ASXL1: variants seen among roughly 807,000 people sequenced by gnomAD.
ASXL1 encodes polycomb group protein ASXL1.
In ASXL1, 65 loss-of-function variants were observed where a neutral mutation model predicts 89.1. The observed-to-expected ratio is 0.73, with a 90% confidence interval of 0.60 to 0.90. The LOEUF (loss-of-function observed/expected upper bound fraction) is 0.90, where lower values mean the gene tolerates loss of function less well. ASXL1 is among the 40% of genes least tolerant of loss of function. The pLI is 0.00. For missense variants in ASXL1, 1,786 were observed against 1,942.9 expected, an observed-to-expected ratio of 0.92 and a Z score of 1.52; for synonymous variants, 739 against 746.9, an observed-to-expected ratio of 0.99 and a Z score of 0.17.
At chr20:32,421,701 A>G (rs2049253010) in intron 4 of ASXL1, among the ~76,000 whole-genome samples, 2 of 152,188 alleles carry the variant, frequency 1.3e-5, no homozygotes, top group Non-Finnish European at 2.9e-5. Flanking sequence ...GCATGCAACA[A>G]TGTAGATGAA....
At chr20:32,398,728 G>T (rs113977275) in intron 4 of ASXL1, among the ~76,000 whole-genome samples, 1 of 149,244 alleles carries the variant, frequency 6.7e-6, no homozygotes, top group Non-Finnish European at 1.5e-5. Context: ...TCCTGCCTCA[G>T]CCTCCCAAGT....
chr20:32,359,711 C>CCTCT, intron 1 of ASXL1: 5 of 718,004 alleles, frequency 7.0e-6, no homozygotes, highest in Non-Finnish European at 1.3e-5. Flanking sequence ...CAAGGGAGAG[C>CCTCT]GTAACTTGAG....
intron 4 of ASXL1, among the ~76,000 whole-genome samples, chr20:32,415,982 A>G (rs1167985438): frequency 6.6e-6 from 1 of 152,354 alleles, no homozygotes; most frequent in East Asian, 1.9e-4. Flanking sequence ...GAGAGCAGCT[A>G]TGCCATGTTG....
intron 4 of ASXL1, among the ~76,000 whole-genome samples, chr20:32,384,321 C>T (rs2048541557): frequency 6.7e-6 from 1 of 150,340 alleles, no homozygotes. Context: ...ATTCTCCTGC[C>T]TTGGCCTCCC....
In ASXL1 at chr20:32,437,098, C is replaced by A. The variant is rs775545465; in HGVS notation, c.4386C>A (p.Thr1462=). 2.5e-6 allele frequency: 4 copies of A among 1,614,202 alleles called. No homozygotes were observed. Among genetic ancestry groups the A allele is most frequent in the Middle Eastern group, 3.3e-4 (2 of 6,062 alleles). The change falls in exon 13 of 13, where the codon ACC becomes ACA. Residue 1462 remains threonine, a synonymous_variant. Coordinates refer to ENST00000375687, the MANE Select transcript of ASXL1 (RefSeq NM_015338.6). The stretch of plus-strand genomic sequence containing the variant: ...TTAATTATTCCTCTAGCTCTCCCAC[C>A]TTTCCCAAAGGCCTTGCTGGAAGTG... ...TSFNYSSSSP[T]FPKGLAGSVV...
intron 4 of ASXL1, among the ~76,000 whole-genome samples, chr20:32,405,390 C>T (rs1245026981): frequency 6.6e-6 from 1 of 152,142 alleles, no homozygotes; most frequent in African/African-American, 2.4e-5. Flanking sequence ...ACCCTTAATA[C>T]TTTAGTATTA....
At position 32,434,485 on chromosome 20, in the gene ASXL1, C is replaced by A. The variant is rs371369583; in HGVS notation, c.1773C>A (p.Tyr591Ter). The change falls in exon 13 of 13, where the codon TAC becomes TAA. Residue 591 changes from tyrosine to a stop codon, truncating the protein, a stop_gained. Coordinates refer to ENST00000375687, the MANE Select transcript of ASXL1 (RefSeq NM_015338.6). LOFTEE classifies it low-confidence loss of function (END_TRUNC). ...GGGTGGTTAAAGGTCAGCCCACTTA[C>A]CAGATATGCCCCCGGATCATCCCCA... The part of the protein sequence containing the change: ...PPWVVKGQPT[Y>*]QICPRIIPTT... The A allele has an allele frequency of 1.4e-5, 22 of 1,613,942 alleles. No individual in the cohort carries two copies. The highest frequency in any genetic ancestry group is 1.7e-5 in the Admixed American group (1 of 60,008).
intron 4 of ASXL1, among the ~76,000 whole-genome samples, chr20:32,387,711 A>G (rs1354776043): frequency 6.6e-6 from 1 of 152,172 alleles, no homozygotes; most frequent in Non-Finnish European, 1.5e-5. Context: ...TTGCTTTGCT[A>G]ACTATTCTCT....
At chr20:32,378,534 C>T (rs2048428174) in intron 4 of ASXL1, among the ~76,000 whole-genome samples, 1 of 152,114 alleles carries the variant, frequency 6.6e-6, no homozygotes, top group Admixed American at 6.6e-5. Context: ...AAAATTATCT[C>T]TACTTTGAGT....
In ASXL1 at chr20:32,435,574, C is replaced by A. The variant is rs752471895; in HGVS notation, c.2862C>A (p.Asp954Glu). 1.9e-6 allele frequency: 3 copies of A among 1,613,954 alleles called. No individual in the cohort carries two copies. Among genetic ancestry groups the A allele is most frequent in the Non-Finnish European group, 1.7e-6 (2 of 1,180,036 alleles). ...CTGAGGAGGGTCTAGATCCTCTTGACAGCCTTACTTCACTCTGGACTGTGC... is the reference window on the plus strand; with the variant it reads ...CTGAGGAGGGTCTAGATCCTCTTGAAAGCCTTACTTCACTCTGGACTGTGC... Reference protein sequence around the residue: ...LTAEEGLDPLDSLTSLWTVPS... With the variant: ...LTAEEGLDPLESLTSLWTVPS... The change falls in exon 13 of 13, where the codon GAC becomes GAA. Residue 954 changes from aspartate (D) to glutamate (E), a missense_variant. By Grantham distance (45) the Asp-to-Glu change is conservative. Around this residue, in one of 3 missense-constraint regions of ASXL1, gnomAD observed 1,418 missense variants for 1,427.8 expected, o/e 0.99. Transcript: ENST00000375687.
chr20:32,386,707 C>T (rs1281368728), intron 4 of ASXL1, among the ~76,000 whole-genome samples: 3 of 151,814 alleles, frequency 2.0e-5, no homozygotes, highest in Non-Finnish European at 2.9e-5. Flanking sequence ...TGAGAGCCAC[C>T]GTGCCCGGCC....
At chr20:32,431,041 C>G in intron 8 of ASXL1, 4 of 619,392 alleles carry the variant, frequency 6.5e-6, no homozygotes, top group Non-Finnish European at 1.2e-5. Flanking sequence ...GAACCTGCCC[C>G]TTGCCTGATT....
intron 4 of ASXL1, among the ~76,000 whole-genome samples, chr20:32,398,603 G>GTTTTTTTTTTTTTTTTTTTTTTTTTGT (rs375341392): frequency 1.6e-5 from 2 of 126,448 alleles, no homozygotes; most frequent in Non-Finnish European, 3.2e-5. Context: ...TTTTTTGTTT[G>GTTTTTTTTTTTTTTTTTTTTTTTTTGT]TTTTTTTTTT....
At chr20:32,414,536 C>A (rs938932013) in intron 4 of ASXL1, among the ~76,000 whole-genome samples, 1 of 151,942 alleles carries the variant, frequency 6.6e-6, no homozygotes, top group African/African-American at 2.4e-5. Context: ...TAGCAACACC[C>A]CATATCTTAT....
At chr20:32,386,834 C>G in intron 4 of ASXL1, among the ~76,000 whole-genome samples, 1 of 118,370 alleles carries the variant, frequency 8.4e-6, no homozygotes, top group East Asian at 2.4e-4. Context: ...TTTTTAGGAT[C>G]TTTTTTTCCA....
At chr20:32,387,547 A>G (rs979978884) in intron 4 of ASXL1, among the ~76,000 whole-genome samples, 5 of 152,142 alleles carry the variant, frequency 3.3e-5, no homozygotes, top group Admixed American at 6.6e-5. Context: ...AGAGATGTCT[A>G]TCTCCTGATG....
intron 4 of ASXL1, among the ~76,000 whole-genome samples, chr20:32,410,197 A>T (rs1253209214): frequency 6.6e-6 from 1 of 152,164 alleles, no homozygotes; most frequent in Non-Finnish European, 1.5e-5. Context: ...TCTGCTGGGG[A>T]TGTTTCAAGA....
intron 4 of ASXL1, among the ~76,000 whole-genome samples, chr20:32,413,214 A>G (rs1170859292): frequency 6.6e-6 from 1 of 152,230 alleles, no homozygotes; most frequent in Non-Finnish European, 1.5e-5. Context: ...TAAATAAAAC[A>G]GATGTGTATA....
chr20:32,422,168 C>T (rs1329186060), intron 4 of ASXL1, among the ~76,000 whole-genome samples: 5 of 150,848 alleles, frequency 3.3e-5, no homozygotes, highest in Non-Finnish European at 7.4e-5. Flanking sequence ...TGTGAGCCAC[C>T]GCGCCCGGCC....
Sources: gnomAD v4.1 joint callset for allele counts (sites outside exome capture counted in the v4.1 genomes callset) on GRCh38, gnomAD v4.1.1 for gene constraint, gnomAD v4.1.1 regional missense constraint, MANE v1.5 for transcripts, NCBI Gene and HGNC (gene_info 2026-07-23, HGNC 2026-07-21) for gene names.